Variants in CDK15 observed in about 807,000 individuals in gnomAD.
CDK15 encodes the protein cyclin dependent kinase 15.
In CDK15, 62 loss-of-function variants were observed where a neutral mutation model predicts 60.3. That is an observed-to-expected ratio of 1.03 (90% confidence interval 0.84 to 1.27). CDK15 has a LOEUF of 1.27. CDK15 is among the 50% of genes most tolerant of loss of function. The pLI is 0.00. For synonymous variants in CDK15, 194 were observed against 195.7 expected, an observed-to-expected ratio of 0.99 and a Z score of 0.07; for missense variants, 541 against 527.8, an observed-to-expected ratio of 1.03 and a Z score of -0.25.
intron 11 of CDK15, among the ~76,000 whole-genome samples, chr2:201,877,577 A>T (rs1699126204): frequency 6.6e-6 from 1 of 152,198 alleles, no homozygotes; most frequent in African/African-American, 2.4e-5. Context: ...GTCTCCTTCC[A>T]GAGAGATCCT....
intron 3 of CDK15, among the ~76,000 whole-genome samples, chr2:201,811,665 AG>A (rs1280417141): frequency 1.3e-5 from 2 of 152,188 alleles, no homozygotes; most frequent in African/African-American, 4.8e-5. Context: ...GGAAATGAAG[AG>A]AGAGAGAATA....
Position 201,839,687 on chromosome 2 carries a change from C to CAGACAGAT in CDK15, c.851+3927_851+3928insCAGATAGA, listed in dbSNP as rs1328253517. Among the ~76,000 whole-genome samples the CAGACAGAT allele has an allele frequency of 5.4e-4, 79 of 146,734 alleles. 1 individual carries two copies. The highest frequency in any genetic ancestry group is 3.9e-3 in the Admixed American group (58 of 14,810). On this transcript the variant is annotated intron_variant, in intron 8 of 13. Transcript: ENST00000652192. ...ATAGACAGACAGACAGACAGACAGACAGATAGATAGATAAAATAACGAAAC... is the reference window on the plus strand; with the variant it reads ...ATAGACAGACAGACAGACAGACAGACAGACAGATAGATAGATAGATAAAATAACGAAAC...
rs147728233 is a variant in CDK15 at position 201,861,663 on chromosome 2, C to T, written c.1009+6726C>T. ...GCAGCCTCCGCCTCCTGGGTACAAG[C>T]GGTTCTCCTGCTTCAGCCTCCCGAG... On this transcript the variant is annotated intron_variant, in intron 10 of 13. Transcript: ENST00000652192. The T allele has an allele frequency of 1.8e-3, 679 of 375,016 alleles. 1 individual carries two copies. The highest frequency in any genetic ancestry group is 1.9e-3 in the Non-Finnish European group (526 of 274,360). 23.2% of individuals were successfully genotyped at this position (375,016 alleles called of 1,614,324 possible). A position where few individuals can be genotyped will look rare whatever the true frequency, so the allele number is the denominator to read the frequency against.
chr2:201,834,980 G>A (rs893515937), intron 7 of CDK15, among the ~76,000 whole-genome samples: 1 of 152,162 alleles, frequency 6.6e-6, no homozygotes, highest in African/African-American at 2.4e-5. Context: ...ACAGTACTTA[G>A]AAATTCATCT....
intron 12 of CDK15, 48 bp downstream of exon 12, chr2:201,880,215 CGT>C (rs746212014): frequency 2.5e-6 from 4 of 1,598,912 alleles, no homozygotes; most frequent in Non-Finnish European, 3.4e-6. Flanking sequence ...TGCGTGAGTG[CGT>C]GTGTGTGTAA....
intron 8 of CDK15, among the ~76,000 whole-genome samples, chr2:201,843,459 A>G (rs1008284279): frequency 2.0e-5 from 3 of 152,028 alleles, no homozygotes; most frequent in Non-Finnish European, 2.9e-5. Context: ...TAGGATTACA[A>G]TGCTTACACC....
chr2:201,855,321 T>C (rs1698098329), intron 10 of CDK15, among the ~76,000 whole-genome samples: 1 of 152,216 alleles, frequency 6.6e-6, no homozygotes, highest in Non-Finnish European at 1.5e-5. Flanking sequence ...AAAAGAAAGC[T>C]AATGCAACAG....
intron 13 of CDK15, among the ~76,000 whole-genome samples, chr2:201,892,456 C>T (rs1300169677): frequency 6.6e-6 from 1 of 152,164 alleles, no homozygotes; most frequent in Non-Finnish European, 1.5e-5. Flanking sequence ...CCTTTCTGAT[C>T]TACAGTGACC....
chr2:201,829,359 T>C (rs1464228841), intron 6 of CDK15, among the ~76,000 whole-genome samples: 1 of 152,074 alleles, frequency 6.6e-6, no homozygotes, highest in Non-Finnish European at 1.5e-5. Context: ...GTGGTACAGA[T>C]GTGAGATGAT....
chr2:201,847,246 C>A, intron 8 of CDK15, 135 bp from the exon 9 acceptor site: 1 of 800,338 alleles, frequency 1.2e-6, no homozygotes, highest in Non-Finnish European at 1.9e-6. Flanking sequence ...TTTTTTTTGG[C>A]CCAAGACTTT....
chr2:201,861,537 T>G (rs1450084974), intron 10 of CDK15: 1 of 983,862 alleles, frequency 1.0e-6, no homozygotes, highest in African/African-American at 1.8e-5. Context: ...CCATTCAGTT[T>G]TTTTTGTTGG....
At chr2:201,890,722 A>G in intron 12 of CDK15, 63 bp from the exon 13 acceptor site, 1 of 1,336,724 alleles carries the variant, frequency 7.5e-7, no homozygotes, top group Non-Finnish European at 1.0e-6. Context: ...CAACAGACAA[A>G]AATATACCAC....
intron 4 of CDK15, among the ~76,000 whole-genome samples, chr2:201,815,944 A>G (rs984268862): frequency 2.0e-5 from 3 of 152,208 alleles, no homozygotes; most frequent in Non-Finnish European, 4.4e-5. Flanking sequence ...GGTCACAGAG[A>G]TAGTAATCAG....
At chr2:201,851,001 A>G (rs1452778042) in intron 9 of CDK15, among the ~76,000 whole-genome samples, 4 of 152,062 alleles carry the variant, frequency 2.6e-5, no homozygotes, top group Admixed American at 6.5e-5. Context: ...TTTATAAAGA[A>G]CAGAAATTGG....
At position 201,892,678 on chromosome 2, in the gene CDK15, A is replaced by G. The variant is rs556551317; in HGVS notation, c.*34-623A>G. 1.1e-4 allele frequency among the ~76,000 whole-genome samples: 17 copies of G among 152,370 alleles called. 1 individual carries two copies. The South Asian group carries it at 3.1e-3, about 28-fold the overall frequency. ...AGCCACAAGAGGGAAAAGCTAGAGC[A>G]ATTAAACTGTTTAATAAATGGCTTG... On this transcript the variant is annotated intron_variant, in intron 13 of 13. Coordinates refer to ENST00000652192, the MANE Select transcript of CDK15 (RefSeq NM_001366386.2).
chr2:201,858,472 G>A (rs563028479), intron 10 of CDK15, among the ~76,000 whole-genome samples: 212 of 144,628 alleles, frequency 1.5e-3, no homozygotes, highest in African/African-American at 5.0e-3. Flanking sequence ...CCCACTCCCC[G>A]TTTTAAGCAA....
intron 3 of CDK15, 134 bp downstream of exon 3, chr2:201,808,086 G>C: frequency 1.6e-6 from 1 of 636,152 alleles, no homozygotes; most frequent in Non-Finnish European, 2.6e-6. Context: ...GGCCGACAGG[G>C]AGAGAGACAT....
rs763959488 is a variant in CDK15 at position 201,854,905 on chromosome 2, C to T, written c.977C>T (p.Pro326Leu). ...GGAGTCCCTACAGAGGATACTTGGCCGGGAGTCTCCAAGCTACCTAACTAC... is the reference window on the plus strand; with the variant it reads ...GGAGTCCCTACAGAGGATACTTGGCTGGGAGTCTCCAAGCTACCTAACTAC... ...VLGVPTEDTW[P>L]GVSKLPNYNP... The change falls in exon 10 of 14, where the codon CCG becomes CTG. Residue 326 changes from proline (P) to leucine (L), a missense_variant. Pro to Leu is a moderately conservative substitution (Grantham distance 98). Transcript: ENST00000652192. 33 of 1,613,836 alleles carry T rather than the reference C, an allele frequency of 2.0e-5. No individual in the cohort carries two copies. The highest frequency in any genetic ancestry group is 4.5e-5 in the East Asian group (2 of 44,886).
chr2:201,837,447 A>AAAGGAAGGAAGGAAGGAAGG (rs541662770), intron 8 of CDK15, among the ~76,000 whole-genome samples: 2 of 61,198 alleles, frequency 3.3e-5, no homozygotes, highest in Admixed American at 1.9e-4. Flanking sequence ...GGAAGGAAGG[A>AAAGGAAGGAAGGAAGGAAGG]AAGGAAGGAA....
Sources: allele counts gnomAD v4.1 joint callset (sites outside exome capture counted in the v4.1 genomes callset), GRCh38; gene constraint gnomAD v4.1.1; transcripts MANE v1.5; gene names NCBI Gene and HGNC (gene_info 2026-07-23, HGNC 2026-07-21).